The following MID1 variants were observed in gnomAD, a reference collection of about 807,000 sequenced individuals.
The protein encoded by MID1 is E3 ubiquitin-protein ligase Midline-1.
Under a neutral mutation model 40.4 loss-of-function variants are expected in MID1, and 7 were observed. The observed-to-expected ratio is 0.17, with a 90% CI of 0.10 to 0.33. The LOEUF (loss-of-function observed/expected upper bound fraction) is 0.33. Among genes scored for constraint, MID1 ranks in the 10% least tolerant of loss-of-function variants. The pLI is 1.00. For synonymous variants in MID1, 229 were observed against 221.2 expected (o/e 1.04, Z -0.31); for missense variants, 367 against 558.5 (o/e 0.66, Z 3.46).
At chrX:10,631,724 T>C (rs1936054623) in intron 1 of MID1, among the ~76,000 whole-genome samples, 1 of 112,052 alleles carries the variant, frequency 8.9e-6, no homozygotes, top group African/African-American at 3.2e-5. Flanking sequence ...CTTGATATGA[T>C]GAAGTCTTTG....
chrX:10,822,131 A>C (rs1275516973), intron 1 of MID1, among the ~76,000 whole-genome samples: 1 of 111,709 alleles, frequency 9.0e-6, no homozygotes, highest in Non-Finnish European at 1.9e-5. Flanking sequence ...TGGTACTTGT[A>C]CAAAAACAGA....
intron 1 of MID1, among the ~76,000 whole-genome samples, chrX:10,636,785 G>GATATATATATAC (rs1936118582): frequency 2.3e-5 from 1 of 42,719 alleles, no homozygotes; most frequent in Non-Finnish European, 4.0e-5. Context: ...CAACAATGGG[G>GATATATATATAC]ATATATATAT....
intron 1 of MID1, among the ~76,000 whole-genome samples, chrX:10,728,442 C>G (rs1216626451): frequency 2.7e-5 from 3 of 111,940 alleles, no homozygotes; most frequent in Non-Finnish European, 5.6e-5. Flanking sequence ...CCTTTTCCCC[C>G]GCTCCTGCAG....
At chrX:10,596,094 CT>C (rs754457826) in intron 1 of MID1, among the ~76,000 whole-genome samples, 1 of 112,155 alleles carries the variant, frequency 8.9e-6, no homozygotes, top group Admixed American at 9.4e-5. Flanking sequence ...ATTTCAACTA[CT>C]TCTAAACTTT....
chrX:10,736,785 C>T (rs1355944615), intron 1 of MID1, among the ~76,000 whole-genome samples: 6 of 112,231 alleles, frequency 5.3e-5, no homozygotes, highest in African/African-American at 1.9e-4. Flanking sequence ...TCTAACTTAA[C>T]CTAAACCAAG....
At chrX:10,469,012 T>G (rs1016558345) in intron 7 of MID1, among the ~76,000 whole-genome samples, 1 of 112,239 alleles carries the variant, frequency 8.9e-6, no homozygotes, top group Admixed American at 9.5e-5. Context: ...AGAACCCCTG[T>G]ATATTTCTTT....
intron 1 of MID1, among the ~76,000 whole-genome samples, chrX:10,672,301 C>G (rs2042992515): frequency 9.0e-6 from 1 of 111,584 alleles, no homozygotes; most frequent in African/African-American, 3.3e-5. Flanking sequence ...TTCTAATCTC[C>G]CAAACTTTTG....
At chrX:10,623,183 C>G (rs1935955552), upstream of MID1, among the ~76,000 whole-genome samples, 1 of 103,370 alleles carries the variant, frequency 9.7e-6, no homozygotes, top group South Asian at 4.6e-4. Context: ...CCCAGGAGGT[C>G]GAGGCTGCAG....
chrX:10,744,561 C>A (rs939916068), intron 1 of MID1, among the ~76,000 whole-genome samples: 8 of 111,411 alleles, frequency 7.2e-5, no homozygotes, highest in Non-Finnish European at 1.3e-4. Context: ...TCAGCACAGC[C>A]CAGAAGTCCA....
chrX:10,607,630 G>A (rs1935649462), intron 1 of MID1, among the ~76,000 whole-genome samples: 1 of 112,489 alleles, frequency 8.9e-6, no homozygotes, highest in Non-Finnish European at 1.9e-5. Context: ...GACAGATCAT[G>A]CCCCTATTTA....
intron 1 of MID1, among the ~76,000 whole-genome samples, chrX:10,734,228 T>C (rs1329424309): frequency 8.9e-6 from 1 of 112,201 alleles, no homozygotes; most frequent in African/African-American, 3.2e-5. Flanking sequence ...TGAGATCATG[T>C]ATTTTGCGGG....
At position 10,478,494 on chromosome X, in the gene MID1, A is replaced by G. The variant is rs751156175; in HGVS notation, c.1014-3744T>C. Among the ~76,000 whole-genome samples, 5 of 112,160 alleles carry G rather than the reference A, an allele frequency of 4.5e-5. No individual in the cohort carries two copies. In the South Asian group the frequency reaches 1.9e-3, roughly 42 times the overall value. On this transcript the variant is annotated intron_variant, in intron 5 of 9. Coordinates refer to ENST00000317552, the MANE Select transcript of MID1 (RefSeq NM_000381.4). Reference sequence around the variant, plus strand: ...CATTCATTCATTCACTCATTCACTCATGTCAGGCAGCTCGCAATGTGCTGG... The same window carrying G: ...CATTCATTCATTCACTCATTCACTCGTGTCAGGCAGCTCGCAATGTGCTGG...
chrX:10,647,873 C>T (rs1025512742), intron 1 of MID1, among the ~76,000 whole-genome samples: 2 of 112,162 alleles, frequency 1.8e-5, no homozygotes, highest in South Asian at 3.7e-4. Context: ...TCATTTTAGG[C>T]ATTTCCTCCA....
chrX:10,787,988 C>T (rs1452152345), intron 1 of MID1, among the ~76,000 whole-genome samples: 1 of 110,960 alleles, frequency 9.0e-6, no homozygotes. Context: ...TCACCATCAT[C>T]ATTTTACAGA....
At chrX:10,599,535 G>A (rs184258400) in intron 1 of MID1, among the ~76,000 whole-genome samples, 1 of 112,434 alleles carries the variant, frequency 8.9e-6, no homozygotes, top group Non-Finnish European at 1.9e-5. Flanking sequence ...AGAAGGAAAA[G>A]GATTAAGCAT....
chrX:10,791,340 G>A (rs959924580), intron 1 of MID1, among the ~76,000 whole-genome samples: 3 of 111,986 alleles, frequency 2.7e-5, no homozygotes, highest in African/African-American at 9.7e-5. Flanking sequence ...CAATACAGAG[G>A]TTGCTATCAA....
At chrX:10,751,546 G>A (rs1252730841) in intron 1 of MID1, among the ~76,000 whole-genome samples, 1 of 109,916 alleles carries the variant, frequency 9.1e-6, no homozygotes, top group Non-Finnish European at 1.9e-5. Flanking sequence ...TGGGAGGATC[G>A]CTTGAGCCCA....
rs772761036 is a variant in MID1, at chrX:10,445,924, G to A, written c.*3444C>T. The stretch of plus-strand genomic sequence containing the variant: ...GACAGGAAAAGTGAAAGGTTTTTAT[G>A]AGAGTTTTGCATTAAAAGAAAACCA... On this transcript the variant is annotated 3_prime_UTR_variant, in exon 10 of 10. Transcript: ENST00000317552. 1 of 111,600 alleles carries A rather than the reference G, an allele frequency of 9.0e-6. No individual in the cohort carries two copies. Among genetic ancestry groups the A allele is most frequent in the Non-Finnish European group, 1.9e-5 (1 of 53,171 alleles). 9.2% of individuals were successfully genotyped at this position (111,600 alleles called of 1,213,427 possible).
At chrX:10,654,698 TG>T (rs1316869499) in intron 1 of MID1, among the ~76,000 whole-genome samples, 2 of 112,077 alleles carry the variant, frequency 1.8e-5, no homozygotes, top group African/African-American at 6.5e-5. Flanking sequence ...GTCCATGGCC[TG>T]GGGACTTGGG....
Sources: allele counts gnomAD v4.1 joint callset (sites outside exome capture counted in the v4.1 genomes callset), GRCh38; gene constraint gnomAD v4.1.1; transcripts MANE v1.5; gene names NCBI Gene and HGNC (gene_info 2026-07-23, HGNC 2026-07-21).